The following UGT1A8 variants were observed in gnomAD, a reference collection of about 807,000 sequenced individuals.
UGT1A8 encodes UDP-glucuronosyltransferase 1A8.
UGT1A8 carries 39 observed loss-of-function variants against 45.3 expected under a neutral mutation model. The observed-to-expected ratio is 0.86, with a 90% CI of 0.67 to 1.12. UGT1A8 has a LOEUF of 1.12. UGT1A8 is among the 50% of genes most tolerant of loss of function. The probability of loss-of-function intolerance (pLI) is 0.00; values close to 1 mark genes in which losing one functional copy is unlikely to be tolerated. For synonymous variants in UGT1A8, 275 were observed against 249.2 expected, an observed-to-expected ratio of 1.10 and a Z score of -0.97; for missense variants, 719 against 664.9, an observed-to-expected ratio of 1.08 and a Z score of -0.90.
At chr2:233,718,783 G>A (rs372445273) in intron 1 of UGT1A8, 52 of 1,612,928 alleles carry the variant, frequency 3.2e-5, no homozygotes, top group African/African-American at 1.5e-4. Flanking sequence ...CAGGCACAGC[G>A]TGGGGTGGAC....
At chr2:233,661,652 T>C (rs1475495701) in intron 1 of UGT1A8, among the ~76,000 whole-genome samples, 1 of 149,518 alleles carries the variant, frequency 6.7e-6, no homozygotes. Flanking sequence ...TCTTTCTTTC[T>C]TTCTTTCTTT....
At chr2:233,712,136 A>G (rs985714952) in intron 1 of UGT1A8, among the ~76,000 whole-genome samples, 4 of 152,238 alleles carry the variant, frequency 2.6e-5, no homozygotes, top group South Asian at 2.1e-4. Context: ...TGGAGCCTTC[A>G]GCATTCAGAA....
intron 1 of UGT1A8, among the ~76,000 whole-genome samples, chr2:233,655,179 G>A (rs2073829896): frequency 6.6e-6 from 1 of 152,200 alleles, no homozygotes; most frequent in South Asian, 2.1e-4. Flanking sequence ...TTTTGTTAAT[G>A]TGCTAATTAC....
At chr2:233,699,684 A>AT (rs2075518038) in intron 1 of UGT1A8, among the ~76,000 whole-genome samples, 1 of 152,196 alleles carries the variant, frequency 6.6e-6, no homozygotes, top group Non-Finnish European at 1.5e-5. Context: ...CTGAGAGGTG[A>AT]TAAAAACAAT....
intron 1 of UGT1A8, among the ~76,000 whole-genome samples, chr2:233,669,349 A>G (rs902204733): frequency 5.9e-5 from 9 of 152,196 alleles, no homozygotes; most frequent in African/African-American, 2.2e-4. Flanking sequence ...TTTGTACAAA[A>G]AGATAGCCTG....
At chr2:233,624,353 A>G (rs1456591498) in intron 1 of UGT1A8, among the ~76,000 whole-genome samples, 1 of 152,066 alleles carries the variant, frequency 6.6e-6, no homozygotes, top group Non-Finnish European at 1.5e-5. Context: ...TTCCTCTAGA[A>G]TGTCAGTGTG....
intron 1 of UGT1A8, among the ~76,000 whole-genome samples, chr2:233,624,219 C>G (rs1441194463): frequency 6.6e-6 from 1 of 152,028 alleles, no homozygotes; most frequent in Non-Finnish European, 1.5e-5. Context: ...CCCATTGATA[C>G]CACCTGAAAT....
Position 233,745,045 on chromosome 2 carries a change from G to C in UGT1A8, c.856-21989G>C, listed in dbSNP as rs1692994086. Among the ~76,000 whole-genome samples the C allele has an allele frequency of 2.0e-5, 3 of 151,744 alleles. No homozygotes were observed. In the South Asian group the frequency reaches 6.2e-4, roughly 32 times the overall value. ...ATGTAAATAGTTGTTTTACAGTATT[G>C]GTTTTTTATTTGTATTATTTGTATT... On this transcript the variant is annotated intron_variant, in intron 1 of 4. Coordinates refer to ENST00000373450, the MANE Select transcript of UGT1A8 (RefSeq NM_019076.5).
chr2:233,650,410 C>T (rs1322141709), intron 1 of UGT1A8, among the ~76,000 whole-genome samples: 1 of 152,190 alleles, frequency 6.6e-6, no homozygotes, highest in Admixed American at 6.5e-5. Flanking sequence ...GTAAACTGTC[C>T]TGACTGAGAT....
intron 1 of UGT1A8, among the ~76,000 whole-genome samples, chr2:233,649,516 A>G (rs1477776698): frequency 6.6e-6 from 1 of 152,218 alleles, no homozygotes; most frequent in Non-Finnish European, 1.5e-5. Context: ...ATATGTAAAT[A>G]TTTATACTTA....
At chr2:233,708,287 G>A (rs2076011328) in intron 1 of UGT1A8, among the ~76,000 whole-genome samples, 1 of 152,124 alleles carries the variant, frequency 6.6e-6, no homozygotes, top group African/African-American at 2.4e-5. Flanking sequence ...ATCATCAAAT[G>A]CTTTCAGTTT....
chr2:233,676,773 A>G (rs1266780770), intron 1 of UGT1A8, among the ~76,000 whole-genome samples: 5 of 152,190 alleles, frequency 3.3e-5, no homozygotes, highest in African/African-American at 1.2e-4. Context: ...TTTTGGTAGG[A>G]AGACACAGAG....
In UGT1A8 at chr2:233,756,891, T is replaced by C. The variant is rs11568316; in HGVS notation, c.856-10143T>C. ...TATTAGGTGTAATGAGGATGTGTTA[T>C]CTCACCAGAACAAACTTCTGAGTTT... On this transcript the variant is annotated intron_variant, in intron 1 of 4. Coordinates refer to ENST00000373450, the MANE Select transcript of UGT1A8 (RefSeq NM_019076.5). 4.5e-3 allele frequency among the ~76,000 whole-genome samples: 679 copies of C among 152,202 alleles called. 6 individuals carry two copies. Among genetic ancestry groups the C allele is most frequent in the African/African-American group, 0.016 (644 of 41,534 alleles).
intron 1 of UGT1A8, among the ~76,000 whole-genome samples, chr2:233,676,708 T>A (rs2074368849): frequency 6.6e-6 from 1 of 152,174 alleles, no homozygotes; most frequent in Admixed American, 6.5e-5. Flanking sequence ...TCCTCTAGAA[T>A]GTCAGTGTGT....
chr2:233,625,677 A>C lies in UGT1A8; in HGVS notation c.855+7115A>C, dbSNP rs145084951. ...AGCTGGAGGTCATTATCCTAAGGGA[A>C]TATATACAGGCACAGAACACCAAAT... On this transcript the variant is annotated intron_variant, in intron 1 of 4. Transcript: ENST00000373450. Among the ~76,000 whole-genome samples, 449 of 151,918 alleles carry C rather than the reference A, an allele frequency of 3.0e-3. 7 individuals carry two copies. The highest frequency in any genetic ancestry group is 5.3e-3 in the Non-Finnish European group (358 of 67,918).
In UGT1A8 at chr2:233,729,945, G is replaced by A. The variant is rs752275204; in HGVS notation, c.856-37089G>A. ...ACCCCAGGCCAATCATGCCCAACAT[G>A]GTCTTCATTGGGGGCATCAACTGTG... On this transcript the variant is annotated intron_variant, in intron 1 of 4. Coordinates refer to ENST00000373450, the MANE Select transcript of UGT1A8 (RefSeq NM_019076.5). The A allele has an allele frequency of 3.7e-6, 6 of 1,613,976 alleles. No individual in the cohort carries two copies. Among genetic ancestry groups the A allele is most frequent in the Admixed American group, 1.7e-5 (1 of 60,020 alleles).
chr2:233,622,262 G>A (rs2073022201), intron 1 of UGT1A8, among the ~76,000 whole-genome samples: 1 of 152,098 alleles, frequency 6.6e-6, no homozygotes, highest in Non-Finnish European at 1.5e-5. Context: ...GGGATCACTG[G>A]GTCAAATGGT....
At position 233,772,285 on chromosome 2, in the gene UGT1A8, T is replaced by C. The variant is rs758411577; in HGVS notation, c.1319T>C (p.Leu440Pro). The change falls in exon 5 of 5, where the codon CTC becomes CCC. Residue 440 changes from leucine to proline, a missense_variant. Leu to Pro is a moderately conservative substitution (Grantham distance 98). Coordinates refer to ENST00000373450, the MANE Select transcript of UGT1A8 (RefSeq NM_019076.5). ...DKSYKENIMRLSSLHKDRPVE... is the reference protein window; with the variant it reads ...DKSYKENIMRPSSLHKDRPVE... ...AGTTACAAGGAGAACATCATGCGCC[T>C]CTCCAGCCTTCACAAGGACCGCCCG... 3.1e-6 allele frequency: 5 copies of C among 1,614,220 alleles called. No individual in the cohort carries two copies. The highest frequency in any genetic ancestry group is 3.4e-6 in the Non-Finnish European group (4 of 1,180,040).
Position 233,682,597 on chromosome 2 carries a change from C to T in UGT1A8, c.855+64035C>T, listed in dbSNP as rs45462096. ...TGCACTTGGAGGAACATTTATTTTG[C>T]CCCTATTTTTTCAAAAATGTCTTAG... On this transcript the variant is annotated intron_variant, in intron 1 of 4. Coordinates refer to ENST00000373450, the MANE Select transcript of UGT1A8 (RefSeq NM_019076.5). The T allele has an allele frequency of 3.4e-4, 547 of 1,613,874 alleles. 4 individuals are homozygous for T. Among genetic ancestry groups the T allele is most frequent in the East Asian group, 9.8e-4 (44 of 44,876 alleles).
Sources: allele counts gnomAD v4.1 joint callset (sites outside exome capture counted in the v4.1 genomes callset), GRCh38; gene constraint gnomAD v4.1.1; transcripts MANE v1.5; gene names NCBI Gene and HGNC (gene_info 2026-07-23, HGNC 2026-07-21).